SLA: variants seen among roughly 807,000 people sequenced by gnomAD.
SLA encodes the protein Src like adaptor.
Under a neutral mutation model 30.3 loss-of-function variants are expected in SLA, and 16 were observed. The ratio of observed to expected loss-of-function variants is 0.53; its 90% CI spans 0.36 to 0.80. The LOEUF (loss-of-function observed/expected upper bound fraction) is 0.80, where lower values mean the gene tolerates loss of function less well. SLA is among the 30% of genes least tolerant of loss of function. The pLI is 0.01. For synonymous variants in SLA, 143 were observed against 137.8 expected, an observed-to-expected ratio of 1.04 and a Z score of -0.26; for missense variants, 310 against 345.2, an observed-to-expected ratio of 0.90 and a Z score of 0.81.
At chr8:133,057,584 C>A (rs1340799194) in intron 3 of SLA, among the ~76,000 whole-genome samples, 2 of 152,108 alleles carry the variant, frequency 1.3e-5, no homozygotes, top group Admixed American at 6.5e-5. Context: ...TCTGGGGCAG[C>A]CCGAGTGACT....
intron 2 of SLA, 146 bp from the exon 3 acceptor site, chr8:133,060,346 G>T: frequency 6.5e-7 from 1 of 1,546,446 alleles, no homozygotes; most frequent in Non-Finnish European, 8.7e-7. Context: ...GATGAGATTG[G>T]TGAAGATTGG....
chr8:133,077,843 G>A (rs1219038239), intron 1 of SLA, among the ~76,000 whole-genome samples: 1 of 151,774 alleles, frequency 6.6e-6, no homozygotes, highest in Non-Finnish European at 1.5e-5. Flanking sequence ...CTCTGGACCT[G>A]ACCCCCTAGA....
chr8:133,091,529 G>C (rs527545601), intron 1 of SLA, among the ~76,000 whole-genome samples: 4 of 152,148 alleles, frequency 2.6e-5, no homozygotes, highest in African/African-American at 9.7e-5. Flanking sequence ...TTCCTCCCGG[G>C]AAATGCTGCA....
rs748747000 is a variant in SLA, at chr8:133,039,956, CACACACACACACACACACACACAT to C, written c.617+18_617+41del. 3 of 1,369,354 alleles carry C rather than the reference CACACACACACACACACACACACAT, an allele frequency of 2.2e-6. 1 individual carries two copies. The South Asian group carries it at 3.9e-5, about 18-fold the overall frequency. The allele number at this position is 1,369,354 out of a possible 1,614,324, so 84.8% of individuals were successfully genotyped here. ...CATGTTCACAGAGCACTTGCATGCA[CACACACACACACACACACACACAT>C]ACACACACCATACTCACCTGGACAC... is the stretch of plus-strand genomic sequence containing the variant. On this transcript the variant is annotated intron_variant, in intron 8 of 8. Transcript: ENST00000338087.
chr8:133,051,054 C>T, intron 3 of SLA, 139 bp from the exon 4 acceptor site: 2 of 621,992 alleles, frequency 3.2e-6, no homozygotes, highest in Non-Finnish European at 5.8e-6. Context: ...CACCAATTTA[C>T]AGCAAGGTCC....
intron 1 of SLA, among the ~76,000 whole-genome samples, chr8:133,097,973 G>C (rs377622201): frequency 6.6e-6 from 1 of 152,064 alleles, no homozygotes; most frequent in African/African-American, 2.4e-5. Context: ...TGTTGCAAGG[G>C]GGGGTGTCAA....
At chr8:133,057,359 G>T (rs1034774557) in intron 3 of SLA, among the ~76,000 whole-genome samples, 3 of 152,310 alleles carry the variant, frequency 2.0e-5, no homozygotes, top group African/African-American at 7.2e-5. Flanking sequence ...AGTATGTATA[G>T]AATTGTAGAG....
intron 3 of SLA, among the ~76,000 whole-genome samples, chr8:133,056,225 T>C (rs1249919053): frequency 6.6e-6 from 1 of 152,236 alleles, no homozygotes; most frequent in Admixed American, 6.5e-5. Flanking sequence ...CGTGGATTTC[T>C]TGGGCTAGTT....
At chr8:133,045,184 C>T (rs1839090175) in intron 6 of SLA, 69 bp from the exon 7 acceptor site, 4 of 1,568,722 alleles carry the variant, frequency 2.5e-6, no homozygotes, top group Non-Finnish European at 3.5e-6. Flanking sequence ...GCTAACCAGC[C>T]CACCACCACT....
intron 1 of SLA, among the ~76,000 whole-genome samples, chr8:133,100,367 T>C (rs1209505636): frequency 6.6e-6 from 1 of 152,220 alleles, no homozygotes; most frequent in Non-Finnish European, 1.5e-5. Context: ...TATGTATTTG[T>C]CTGTTGTCTT....
chr8:133,052,218 T>C (rs1479223915), intron 3 of SLA, among the ~76,000 whole-genome samples: 1 of 152,194 alleles, frequency 6.6e-6, no homozygotes, highest in Admixed American at 6.5e-5. Flanking sequence ...AATACTAGAA[T>C]CAGTGAGAAA....
chr8:133,062,260 T>C (rs1442989439), intron 2 of SLA, among the ~76,000 whole-genome samples: 4 of 152,222 alleles, frequency 2.6e-5, no homozygotes, highest in Non-Finnish European at 5.9e-5. Flanking sequence ...CCAGGGCCTC[T>C]GACCCTGGTA....
At chr8:133,039,820 G>A (rs1383212839) in intron 8 of SLA, among the ~76,000 whole-genome samples, 178 bp downstream of exon 8, 1 of 152,054 alleles carries the variant, frequency 6.6e-6, no homozygotes, top group Non-Finnish European at 1.5e-5. Context: ...CTGCACCCAG[G>A]GATTCCCTTG....
chr8:133,062,038 G>C (rs887297982), intron 2 of SLA, among the ~76,000 whole-genome samples: 1 of 152,182 alleles, frequency 6.6e-6, no homozygotes, highest in African/African-American at 2.4e-5. Context: ...GACCAGGCTC[G>C]CAAAAGCTAT....
intron 1 of SLA, 31 bp from the exon 2 acceptor site, chr8:133,075,161 T>C (rs1844666567): frequency 1.0e-6 from 1 of 981,696 alleles, no homozygotes; most frequent in East Asian, 1.1e-4. Context: ...TTAATTTTTT[T>C]ACAAAGCATT....
chr8:133,040,083 G>T lies in SLA; in HGVS notation c.532C>A (p.Gln178Lys). 1 of 1,564,046 alleles carries T rather than the reference G, an allele frequency of 6.4e-7. No homozygotes were observed. Residue 178 changes from glutamine to lysine, a missense_variant, in exon 8 of 9, where the codon CAA becomes AAA. Transcript: ENST00000338087. ...CTCACTGCTGGGGCAGCCGTGCTTT[G>T]TGTCAGGCAGGGCGTGGTGAGCACA... ...CCVLTTPCLT[Q>K]STAAPAVRAS... is the part of the protein sequence containing the mutation.
intron 3 of SLA, 56 bp from the exon 4 acceptor site, chr8:133,050,971 C>T: frequency 2.0e-6 from 2 of 1,002,566 alleles, no homozygotes; most frequent in Non-Finnish European, 3.2e-6. Context: ...TCACAAGGAG[C>T]TTAAAGGTAG....
At chr8:133,077,771 ATG>A (rs939200739) in intron 1 of SLA, among the ~76,000 whole-genome samples, 2 of 135,292 alleles carry the variant, frequency 1.5e-5, no homozygotes, top group African/African-American at 5.8e-5. Flanking sequence ...GTGTGTTTGT[ATG>A]TGTGTGTGTG....
chr8:133,079,582 C>T (rs891872164), intron 1 of SLA, among the ~76,000 whole-genome samples: 3 of 152,150 alleles, frequency 2.0e-5, no homozygotes, highest in Non-Finnish European at 4.4e-5. Context: ...TAAGGCAATT[C>T]AGCATCATGC....
Sources: gnomAD v4.1 joint callset for allele counts (sites outside exome capture counted in the v4.1 genomes callset) on GRCh38, gnomAD v4.1.1 for gene constraint, MANE v1.5 for transcripts, NCBI Gene and HGNC (gene_info 2026-07-23, HGNC 2026-07-21) for gene names.